MAPKAPK5: variants seen among roughly 807,000 people sequenced by gnomAD.
MAPKAPK5 encodes the protein MAP kinase-activated protein kinase 5.
Under a neutral mutation model 65.1 loss-of-function variants are expected in MAPKAPK5, and 30 were observed. That is an observed-to-expected ratio of 0.46 (90% CI 0.34 to 0.63). The LOEUF is 0.63. MAPKAPK5 is among the 20% of genes least tolerant of loss of function. The probability of loss-of-function intolerance (pLI) is 0.01; values close to 1 mark genes in which losing one functional copy is unlikely to be tolerated. For synonymous variants in MAPKAPK5, 179 were observed against 204.6 expected (o/e 0.87, Z 1.07); for missense variants, 433 against 581.4 (o/e 0.74, Z 2.63).
chr12:111,881,011 C>T (rs1356919686), intron 8 of MAPKAPK5, among the ~76,000 whole-genome samples: 1 of 152,212 alleles, frequency 6.6e-6, no homozygotes, highest in Non-Finnish European at 1.5e-5. Flanking sequence ...GTATCTGATA[C>T]ACATAGCAAG....
At chr12:111,891,374 T>G (rs1283019256) in intron 13 of MAPKAPK5, among the ~76,000 whole-genome samples, 2 of 151,422 alleles carry the variant, frequency 1.3e-5, no homozygotes, top group African/African-American at 4.9e-5. Flanking sequence ...AGTGCTGGGA[T>G]TACAGGTGTG....
intron 1 of MAPKAPK5, among the ~76,000 whole-genome samples, chr12:111,853,505 A>G (rs541720830): frequency 4.6e-5 from 7 of 152,158 alleles, no homozygotes; most frequent in Non-Finnish European, 8.8e-5. Flanking sequence ...ACTAGTTCTT[A>G]TAGATCCCTT....
Sources: gnomAD v4.1 joint callset for allele counts (sites outside exome capture counted in the v4.1 genomes callset) on GRCh38, gnomAD v4.1.1 for gene constraint, MANE v1.5 for transcripts, NCBI Gene and HGNC (gene_info 2026-07-23, HGNC 2026-07-21) for gene names.